PLCG2: variants seen among roughly 807,000 people sequenced by gnomAD.
The protein encoded by PLCG2 is phospholipase C gamma 2, also known as 1-phosphatidylinositol 4,5-bisphosphate phosphodiesterase gamma-2.
A neutral mutation model predicts 175.6 loss-of-function variants in PLCG2; 69 were observed. The observed-to-expected ratio is 0.39, with a 90% confidence interval of 0.32 to 0.48. The LOEUF (loss-of-function observed/expected upper bound fraction) is 0.48. Ranked by LOEUF, PLCG2 falls within the 20% of genes least tolerant of loss-of-function variation. The pLI, the probability that PLCG2 is intolerant of heterozygous loss-of-function variation, is 0.91. For synonymous variants in PLCG2, 827 were observed against 624.0 expected, an observed-to-expected ratio of 1.33 and a Z score of -4.85; for missense variants, 1,798 against 1,650.9, an observed-to-expected ratio of 1.09 and a Z score of -1.54.
intron 2 of PLCG2, among the ~76,000 whole-genome samples, chr16:81,803,649 C>T (rs1028259190): frequency 4.1e-4 from 15 of 36,450 alleles, no homozygotes; most frequent in Non-Finnish European, 1.4e-3. Context: ...CCCTCCCTCC[C>T]TCCCTCCCTC....
At chr16:81,853,557 A>G (rs1906528273) in intron 2 of PLCG2, among the ~76,000 whole-genome samples, 1 of 152,138 alleles carries the variant, frequency 6.6e-6, no homozygotes, top group Non-Finnish European at 1.5e-5. Context: ...CACAACCTGG[A>G]TCCCTCGCAT....
chr16:81,831,350 C>T lies in PLCG2; in HGVS notation c.194-23094C>T, dbSNP rs548239266. 6.6e-5 allele frequency among the ~76,000 whole-genome samples: 10 copies of T among 152,294 alleles called. No individual in the cohort carries two copies. The East Asian group carries it at 1.3e-3, about 21-fold the overall frequency. On this transcript the variant is annotated intron_variant, in intron 2 of 32. Transcript: ENST00000564138. The stretch of plus-strand genomic sequence containing the variant: ...TTTGTTGACCTAATGGCTGAATGAA[C>T]GGACGTGACCATCATCGTGAGAATC...
chr16:81,809,226 A>C (rs762138706), intron 2 of PLCG2, among the ~76,000 whole-genome samples: 1 of 152,126 alleles, frequency 6.6e-6, no homozygotes, highest in Non-Finnish European at 1.5e-5. Flanking sequence ...ACTTGCTGGA[A>C]ACACCTGTGA....
At chr16:81,745,628 G>T (rs143735234) in intron 1 of PLCG2, among the ~76,000 whole-genome samples, 1 of 152,290 alleles carries the variant, frequency 6.6e-6, no homozygotes, top group South Asian at 2.1e-4. Context: ...TAAATTATGT[G>T]GATTTACTGT....
chr16:81,795,088 T>A (rs1429509292), intron 2 of PLCG2, among the ~76,000 whole-genome samples: 1 of 152,236 alleles, frequency 6.6e-6, no homozygotes, highest in Non-Finnish European at 1.5e-5. Flanking sequence ...GAGGACCTGA[T>A]GTGTGTTGGG....
At chr16:81,867,709 AT>A (rs941348216) in intron 5 of PLCG2, among the ~76,000 whole-genome samples, 10 of 150,142 alleles carry the variant, frequency 6.7e-5, no homozygotes, top group African/African-American at 2.0e-4. Context: ...TTTCTTTTTT[AT>A]TTTTGGAGAT....
At chr16:81,808,581 C>T (rs1459256543) in intron 2 of PLCG2, among the ~76,000 whole-genome samples, 1 of 152,130 alleles carries the variant, frequency 6.6e-6, no homozygotes, top group Non-Finnish European at 1.5e-5. Context: ...ACAACCTCCG[C>T]CTCCCAGATT....
At chr16:81,942,018 A>G (rs755607876) in intron 30 of PLCG2, among the ~76,000 whole-genome samples, 1 of 152,196 alleles carries the variant, frequency 6.6e-6, no homozygotes, top group Non-Finnish European at 1.5e-5. Flanking sequence ...AATGACACCA[A>G]TTCTTCTGGT....
intron 2 of PLCG2, among the ~76,000 whole-genome samples, chr16:81,840,382 G>A (rs1197792751): frequency 6.6e-6 from 1 of 152,220 alleles, no homozygotes; most frequent in Non-Finnish European, 1.5e-5. Flanking sequence ...TGGGGGGATA[G>A]TGTGAGGATG....
At chr16:81,791,212 C>T (rs553732074) in intron 2 of PLCG2, among the ~76,000 whole-genome samples, 1 of 152,176 alleles carries the variant, frequency 6.6e-6, no homozygotes, top group Admixed American at 6.5e-5. Flanking sequence ...CAGGAGTTTT[C>T]ACTGGATGTG....
chr16:81,831,322 C>G lies in PLCG2; in HGVS notation c.194-23122C>G, dbSNP rs1905249735. On this transcript the variant is annotated intron_variant, in intron 2 of 32. Coordinates refer to ENST00000564138, the MANE Select transcript of PLCG2 (RefSeq NM_002661.5). ...TGCCTGGCACGCTGGCTTTTACCTA[C>G]TCTTTGTTGACCTAATGGCTGAATG... 2.0e-5 allele frequency among the ~76,000 whole-genome samples: 3 copies of G among 152,182 alleles called. No individual in the cohort carries two copies. In the South Asian group the frequency reaches 6.2e-4, roughly 32 times the overall value.
intron 2 of PLCG2, among the ~76,000 whole-genome samples, chr16:81,787,373 C>T (rs73587671): frequency 0.067 from 9,759 of 146,436 alleles, 1,087 homozygotes; most frequent in African/African-American, 0.23. Context: ...GGGAATGCAC[C>T]GCCATGCCTG....
At chr16:81,861,800 G>A (rs908142948) in intron 5 of PLCG2, among the ~76,000 whole-genome samples, 1 of 152,204 alleles carries the variant, frequency 6.6e-6, no homozygotes, top group Non-Finnish European at 1.5e-5. Flanking sequence ...CTCTGAAGTC[G>A]GCTCTTCGTT....
At chr16:81,798,462 T>C in intron 2 of PLCG2, 1 of 152,322 alleles carries the variant, frequency 6.6e-6, no homozygotes, top group Non-Finnish European at 1.5e-5. Context: ...TCTGGGAGGC[T>C]GGGGAGGCCT....
At chr16:81,944,376 A>G (rs901632456) in intron 30 of PLCG2, among the ~76,000 whole-genome samples, 2 of 152,208 alleles carry the variant, frequency 1.3e-5, no homozygotes, top group Admixed American at 6.5e-5. Flanking sequence ...GATTATTTAC[A>G]CAGTATTTAT....
intron 14 of PLCG2, among the ~76,000 whole-genome samples, chr16:81,902,362 C>T (rs955694329): frequency 1.3e-5 from 2 of 152,312 alleles, no homozygotes; most frequent in East Asian, 3.9e-4. Flanking sequence ...GTTCTGGAGG[C>T]TGGAAGTTCA....
At chr16:81,792,391 G>A (rs534015333) in intron 2 of PLCG2, among the ~76,000 whole-genome samples, 5 of 145,186 alleles carry the variant, frequency 3.4e-5, no homozygotes, top group Non-Finnish European at 7.5e-5. Flanking sequence ...CTGAGGCACA[G>A]AATTGCTTGA....
At chr16:81,769,309 T>G (rs979613037) in intron 2 of PLCG2, among the ~76,000 whole-genome samples, 1 of 152,224 alleles carries the variant, frequency 6.6e-6, no homozygotes. Context: ...CCTGGGTTTC[T>G]TCCCTGTTGT....
At chr16:81,788,991 C>T (rs1911106247) in intron 2 of PLCG2, among the ~76,000 whole-genome samples, 1 of 152,104 alleles carries the variant, frequency 6.6e-6, no homozygotes, top group African/African-American at 2.4e-5. Context: ...CTCAACCTGC[C>T]CATCCCAAAC....
Sources: allele counts gnomAD v4.1 joint callset (sites outside exome capture counted in the v4.1 genomes callset), GRCh38; gene constraint gnomAD v4.1.1; transcripts MANE v1.5; gene names NCBI Gene and HGNC (gene_info 2026-07-23, HGNC 2026-07-21).